Variants in RHBDL2 observed in about 807,000 individuals in gnomAD.
RHBDL2 encodes the protein rhomboid like 2, also known as rhomboid-related protein 2.
A neutral mutation model predicts 31.7 loss-of-function variants in RHBDL2; 26 were observed. The ratio of observed to expected loss-of-function variants is 0.82; its 90% confidence interval spans 0.60 to 1.14. RHBDL2 has a LOEUF of 1.14. RHBDL2 is among the 50% of genes most tolerant of loss of function. The probability of loss-of-function intolerance (pLI) is 0.00; values close to 1 mark genes in which losing one functional copy is unlikely to be tolerated. For synonymous variants in RHBDL2, 123 were observed against 127.2 expected, an observed-to-expected ratio of 0.97 and a Z score of 0.22; for missense variants, 336 against 364.4, an observed-to-expected ratio of 0.92 and a Z score of 0.63.
chr1:38,911,655 C>T (rs569192556), intron 3 of RHBDL2, among the ~76,000 whole-genome samples: 7 of 147,250 alleles, frequency 4.8e-5, no homozygotes, highest in South Asian at 2.1e-4. Context: ...TGCGCGCGCG[C>T]GCGCGTGTGT....
chr1:38,909,354 A>T (rs891564428), intron 4 of RHBDL2, among the ~76,000 whole-genome samples: 40 of 152,282 alleles, frequency 2.6e-4, no homozygotes, highest in African/African-American at 9.6e-4. Context: ...TAAAATAAAA[A>T]ATCATGACAA....
chr1:38,925,323 C>G (rs759191081), intron 1 of RHBDL2, among the ~76,000 whole-genome samples: 1 of 151,944 alleles, frequency 6.6e-6, no homozygotes, highest in South Asian at 2.1e-4. Flanking sequence ...CATGGTGAAA[C>G]CCTGTCTCTA....
At chr1:38,922,929 A>C (rs945507083) in intron 1 of RHBDL2, among the ~76,000 whole-genome samples, 10 of 152,106 alleles carry the variant, frequency 6.6e-5, no homozygotes, top group African/African-American at 2.2e-4. Context: ...CATCTCCGTT[A>C]AAAATACAAA....
Position 38,923,132 on chromosome 1 carries a change from T to A in RHBDL2, c.-125-3795A>T, listed in dbSNP as rs1339409756. Among the ~76,000 whole-genome samples, 5 of 152,166 alleles carry A rather than the reference T, an allele frequency of 3.3e-5. No individual in the cohort carries two copies. The East Asian group carries it at 9.6e-4, about 29-fold the overall frequency. On this transcript the variant is annotated intron_variant, in intron 1 of 7. Coordinates refer to ENST00000372990, the MANE Select transcript of RHBDL2 (RefSeq NM_017821.5). ...AAAGGCTGAGAATATCCCATATTTA[T>A]GAGGTGTGTGGCAATGGGTGCAATG...
chr1:38,921,146 C>T (rs561165135), intron 1 of RHBDL2, among the ~76,000 whole-genome samples: 11 of 152,276 alleles, frequency 7.2e-5, no homozygotes, highest in East Asian at 1.9e-4. Context: ...TGGTGGCTCA[C>T]GCCTGTAATC....
chr1:38,908,868 A>G (rs1284882527), intron 4 of RHBDL2, among the ~76,000 whole-genome samples: 1 of 152,192 alleles, frequency 6.6e-6, no homozygotes, highest in Non-Finnish European at 1.5e-5. Flanking sequence ...TGCCTGATGT[A>G]CAGGAAGAAT....
intron 3 of RHBDL2, among the ~76,000 whole-genome samples, chr1:38,915,325 A>G (rs948382883): frequency 3.3e-5 from 5 of 151,736 alleles, no homozygotes; most frequent in African/African-American, 9.7e-5. Flanking sequence ...GGGTTTCACT[A>G]TATCAGCCAG....
At chr1:38,929,451 ACTC>A (rs1177590121) in intron 1 of RHBDL2, 3 of 1,288,938 alleles carry the variant, frequency 2.3e-6, no homozygotes, top group African/African-American at 3.0e-5. Context: ...CCTTATGACA[ACTC>A]CTTTTCCATG....
At chr1:38,893,632 A>G (rs572195757) in intron 5 of RHBDL2, among the ~76,000 whole-genome samples, 62 of 152,128 alleles carry the variant, frequency 4.1e-4, no homozygotes, top group African/African-American at 1.4e-3. Context: ...CAAAGACTTA[A>G]CTGAGATTTG....
chr1:38,901,054 G>GATAAATAA (rs113007332), intron 4 of RHBDL2, among the ~76,000 whole-genome samples: 5 of 148,894 alleles, frequency 3.4e-5, no homozygotes, highest in Middle Eastern at 3.4e-3. Flanking sequence ...TCTCTAAATA[G>GATAAATAA]ATAAATAAAT....
intron 4 of RHBDL2, among the ~76,000 whole-genome samples, chr1:38,901,277 A>G (rs1224778471): frequency 6.6e-6 from 1 of 151,018 alleles, no homozygotes; most frequent in African/African-American, 2.4e-5. Context: ...ACCTGGCCAA[A>G]GTGGCGAAAC....
At chr1:38,916,040 G>C (rs980014598) in intron 2 of RHBDL2, among the ~76,000 whole-genome samples, 1 of 152,080 alleles carries the variant, frequency 6.6e-6, no homozygotes, top group Non-Finnish European at 1.5e-5. Context: ...CCTCATCGTC[G>C]CACCAACTGA....
At chr1:38,931,392 G>A (rs1303299299) in intron 1 of RHBDL2, among the ~76,000 whole-genome samples, 3 of 152,036 alleles carry the variant, frequency 2.0e-5, no homozygotes, top group South Asian at 2.1e-4. Flanking sequence ...GTGTTGGCGG[G>A]CGCCTGTAGT....
At chr1:38,897,102 TC>T (rs1447520011) in intron 4 of RHBDL2, among the ~76,000 whole-genome samples, 24 of 151,402 alleles carry the variant, frequency 1.6e-4, no homozygotes, top group South Asian at 6.3e-4. Flanking sequence ...CTTTGAAGAA[TC>T]TTTTTTTTTT....
At chr1:38,913,041 G>GTAGATGATGGTGTA (rs1643178375) in intron 3 of RHBDL2, among the ~76,000 whole-genome samples, 1 of 149,014 alleles carries the variant, frequency 6.7e-6, no homozygotes. Context: ...GGAGTGCGGT[G>GTAGATGATGGTGTA]GCGCGATCTC....
In RHBDL2 at chr1:38,892,190, C is replaced by T. The variant is rs573374234; in HGVS notation, c.670+974G>A. On this transcript the variant is annotated intron_variant, in intron 6 of 7. Coordinates refer to ENST00000372990, the MANE Select transcript of RHBDL2 (RefSeq NM_017821.5). ...CGGTTGCCCGCTGCCACCTGCCCCC[C>T]GCTCCCCCAACTCTCTATCATTAAT... Among the ~76,000 whole-genome samples, 18 of 152,244 alleles carry T rather than the reference C, an allele frequency of 1.2e-4. No individual in the cohort carries two copies. In the South Asian group the frequency reaches 2.1e-3, roughly 18 times the overall value.
intron 6 of RHBDL2, 148 bp from the exon 7 acceptor site, chr1:38,888,172 T>C: frequency 1.7e-6 from 1 of 592,934 alleles, no homozygotes; most frequent in South Asian, 2.2e-5. Context: ...ATCTTTTAAC[T>C]CATTAATCTT....
At chr1:38,909,275 C>T (rs559533853) in intron 4 of RHBDL2, among the ~76,000 whole-genome samples, 1 of 152,182 alleles carries the variant, frequency 6.6e-6, no homozygotes, top group East Asian at 1.9e-4. Flanking sequence ...GGGGGTGGAG[C>T]CCTAGCCAGG....
In RHBDL2 at chr1:38,893,175, A is replaced by C; in HGVS notation, c.659T>G (p.Ile220Ser). ...PAFGIFRLLI[I>S]ILIIVLDMGF... The stretch of plus-strand genomic sequence containing the variant: ...CAAAACACACTTACTTATCAGGATG[A>C]TGATCAGCAGTCTGAAAATTCCAAA... The change falls in exon 6 of 8, where the codon ATC (isoleucine) becomes AGC (serine). Residue 220 changes from isoleucine to serine, a missense_variant. Coordinates refer to ENST00000372990, the MANE Select transcript of RHBDL2 (RefSeq NM_017821.5). 1.3e-6 allele frequency: 2 copies of C among 1,565,546 alleles called. No individual in the cohort carries two copies. The highest frequency in any genetic ancestry group is 1.8e-6 in the Non-Finnish European group (2 of 1,136,768).
Sources: allele counts gnomAD v4.1 joint callset (sites outside exome capture counted in the v4.1 genomes callset), GRCh38; gene constraint gnomAD v4.1.1; transcripts MANE v1.5; gene names NCBI Gene and HGNC (gene_info 2026-07-23, HGNC 2026-07-21).